Variants in ZNF652 observed in about 807,000 individuals in gnomAD.
ZNF652 encodes zinc finger protein 652.
A neutral mutation model predicts 45.2 loss-of-function variants in ZNF652; 16 were observed. That is an observed-to-expected ratio of 0.35 (90% CI 0.24 to 0.54). The LOEUF is 0.54. ZNF652 is among the 20% of genes least tolerant of loss of function. The probability of loss-of-function intolerance (pLI) is 0.91; values close to 1 mark genes in which losing one functional copy is unlikely to be tolerated. For missense variants in ZNF652, 614 were observed against 765.6 expected, an observed-to-expected ratio of 0.80 and a Z score of 2.34; for synonymous variants, 250 against 260.6, an observed-to-expected ratio of 0.96 and a Z score of 0.39.
At chr17:49,341,648 C>G (rs901271095) in intron 1 of ZNF652, among the ~76,000 whole-genome samples, 2 of 151,706 alleles carry the variant, frequency 1.3e-5, no homozygotes, top group Non-Finnish European at 2.9e-5. Flanking sequence ...TGGGCAACAG[C>G]AAGACTGTCT....
At chr17:49,360,985 G>A (rs1943988414) in intron 1 of ZNF652, among the ~76,000 whole-genome samples, 1 of 152,202 alleles carries the variant, frequency 6.6e-6, no homozygotes, top group Non-Finnish European at 1.5e-5. Context: ...GCAGACTCAC[G>A]CAGGAACACC....
intron 1 of ZNF652, among the ~76,000 whole-genome samples, chr17:49,338,288 T>C (rs1027306456): frequency 6.6e-6 from 1 of 152,090 alleles, no homozygotes; most frequent in African/African-American, 2.4e-5. Context: ...ACTCCACCAG[T>C]TTCTGAACTC....
At chr17:49,312,619 T>C in intron 3 of ZNF652, 79 bp downstream of exon 3, 1 of 1,495,910 alleles carries the variant, frequency 6.7e-7, no homozygotes, top group South Asian at 1.3e-5. Flanking sequence ...ATTCCTCATA[T>C]CCTGCCCAAT....
intron 1 of ZNF652, among the ~76,000 whole-genome samples, chr17:49,361,613 G>C (rs1469622608): frequency 6.6e-6 from 1 of 152,162 alleles, no homozygotes; most frequent in Non-Finnish European, 1.5e-5. Context: ...CCTCCCCTCA[G>C]GCCTCAGGGC....
At chr17:49,312,875 T>G in intron 2 of ZNF652, 30 bp from the exon 3 acceptor site, 1 of 1,605,622 alleles carries the variant, frequency 6.2e-7, no homozygotes, top group South Asian at 1.1e-5. Context: ...ATAATATTTA[T>G]AGGGGCTTAC....
chr17:49,327,757 ATATATATATATATATATATATATTTTTTT>A (rs2069975739), intron 1 of ZNF652, among the ~76,000 whole-genome samples: 2 of 14,518 alleles, frequency 1.4e-4, no homozygotes, highest in African/African-American at 6.5e-4. Flanking sequence ...ATATATATAT[ATATATATATATATATATATATATTTTTTT>A]TTTTTTTTTT....
At chr17:49,311,560 A>G in intron 4 of ZNF652, 104 bp from the exon 5 acceptor site, 1 of 1,262,536 alleles carries the variant, frequency 7.9e-7, no homozygotes, top group South Asian at 1.8e-5. Context: ...CATATTCAAA[A>G]TAGAACCTGC....
chr17:49,323,137 C>G (rs1185963963), intron 1 of ZNF652, among the ~76,000 whole-genome samples: 1 of 152,194 alleles, frequency 6.6e-6, no homozygotes, highest in African/African-American at 2.4e-5. Flanking sequence ...ACACTTTACC[C>G]ACAGTAGAAC....
In ZNF652 at chr17:49,296,547, AGAAAGAAAAATGAAGAAATT is replaced by A. The variant is rs2069480035; in HGVS notation, c.*1846_*1865del. The A allele has an allele frequency of 6.6e-6, 1 of 152,492 alleles. No homozygotes were observed. Among genetic ancestry groups the A allele is most frequent in the South Asian group, 2.1e-4 (1 of 4,832 alleles). The allele number at this position is 152,492 out of a possible 1,614,324, so 9.4% of individuals were successfully genotyped here. On this transcript the variant is annotated 3_prime_UTR_variant, in exon 6 of 6. Transcript: ENST00000430262. ...TCAGGCAAAGATTTTAAGAAACCGA[AGAAAGAAAAATGAAGAAATT>A]TCAAGATTAAAAAATGGACTGGGCA...
At chr17:49,324,984 G>A (rs957057191) in intron 1 of ZNF652, among the ~76,000 whole-genome samples, 9 of 151,624 alleles carry the variant, frequency 5.9e-5, no homozygotes, top group South Asian at 2.1e-4. Flanking sequence ...CAGGTGGTCC[G>A]CCCACCTTGG....
chr17:49,315,268 T>A (rs979937056), intron 2 of ZNF652, among the ~76,000 whole-genome samples: 1 of 148,650 alleles, frequency 6.7e-6, no homozygotes, highest in East Asian at 2.1e-4. Context: ...CTCGAACTCC[T>A]GACCTCACGT....
At chr17:49,309,006 CAA>C (rs2069670779) in intron 5 of ZNF652, among the ~76,000 whole-genome samples, 1 of 151,374 alleles carries the variant, frequency 6.6e-6, no homozygotes, top group South Asian at 2.1e-4. Context: ...GAAGAAGAAA[CAA>C]AGAAATACAA....
Position 49,296,191 on chromosome 17 carries a change from G to A in ZNF652, c.*2222C>T, listed in dbSNP as rs1269812876. ...CTTTCCTTATTGGCTTGGGTACCTG[G>A]GTGCTCAAAGAATGTGTACAAATAT... On this transcript the variant is annotated 3_prime_UTR_variant, in exon 6 of 6. Coordinates refer to ENST00000430262, the MANE Select transcript of ZNF652 (RefSeq NM_001145365.3). 1 of 151,864 alleles carries A rather than the reference G, an allele frequency of 6.6e-6. No individual in the cohort carries two copies. The highest frequency in any genetic ancestry group is 2.4e-5 in the African/African-American group (1 of 41,362). 9.4% of individuals were successfully genotyped at this position (151,864 alleles called of 1,614,324 possible). A position where few individuals can be genotyped will look rare whatever the true frequency, so the allele number is the denominator to read the frequency against.
rs555594503 is a variant in ZNF652 at position 49,352,630 on chromosome 17, A to T, written c.-259+9279T>A. On this transcript the variant is annotated intron_variant, in intron 1 of 5. Transcript: ENST00000430262. ...TATATGACCTAGCAATCCCCCTCCT[A>T]GGTATTTACCCACAAGAAATGAAAC... 2.0e-5 allele frequency among the ~76,000 whole-genome samples: 3 copies of T among 152,328 alleles called. No individual in the cohort carries two copies. The South Asian group carries it at 6.2e-4, about 32-fold the overall frequency.
At chr17:49,351,040 CACACACACACACACAT>C (rs1441965934) in intron 1 of ZNF652, among the ~76,000 whole-genome samples, 1 of 127,386 alleles carries the variant, frequency 7.9e-6, no homozygotes, top group African/African-American at 3.1e-5. Context: ...CACACACACA[CACACACACACACACAT>C]ATTTTTATAT....
At chr17:49,323,840 G>A (rs1001020826) in intron 1 of ZNF652, among the ~76,000 whole-genome samples, 2 of 152,090 alleles carry the variant, frequency 1.3e-5, no homozygotes, top group African/African-American at 4.8e-5. Flanking sequence ...AGTAAACCAC[G>A]CTATAAACAG....
rs749724039 is a variant in ZNF652, at chr17:49,311,876, T to C, written c.1164+51A>G. 45 of 1,465,090 alleles carry C rather than the reference T, an allele frequency of 3.1e-5. No homozygotes were observed. The Admixed American group carries it at 3.5e-4, about 11-fold the overall frequency. 90.8% of individuals were successfully genotyped at this position (1,465,090 alleles called of 1,614,324 possible). Reference sequence around the variant, plus strand: ...ACCTCTCTCTCACTGGTCCGCCATCTATGCAAACACTAGCCCCTAGGCCTG... The same window carrying C: ...ACCTCTCTCTCACTGGTCCGCCATCCATGCAAACACTAGCCCCTAGGCCTG... On this transcript the variant is annotated intron_variant, in intron 4 of 5. Coordinates refer to ENST00000430262, the MANE Select transcript of ZNF652 (RefSeq NM_001145365.3).
In ZNF652 at chr17:49,356,941, T is replaced by A. The variant is rs147916633; in HGVS notation, c.-259+4968A>T. The stretch of plus-strand genomic sequence containing the variant: ...GCTGTATGCATGGAATAAAACTGTA[T>A]ACATGGCCCTAATTGCATTTACTTT... On this transcript the variant is annotated intron_variant, in intron 1 of 5. Coordinates refer to ENST00000430262, the MANE Select transcript of ZNF652 (RefSeq NM_001145365.3). 4.3e-4 allele frequency among the ~76,000 whole-genome samples: 65 copies of A among 151,430 alleles called. No homozygotes were observed. In the East Asian group the frequency reaches 0.011, roughly 26 times the overall value.
intron 1 of ZNF652, among the ~76,000 whole-genome samples, chr17:49,333,922 T>A (rs2070053938): frequency 6.6e-6 from 1 of 151,994 alleles, no homozygotes; most frequent in Admixed American, 6.6e-5. Flanking sequence ...GCCTCATATG[T>A]TACTGGTAGG....
Sources: gnomAD v4.1 joint callset for allele counts (sites outside exome capture counted in the v4.1 genomes callset) on GRCh38, gnomAD v4.1.1 for gene constraint, MANE v1.5 for transcripts, NCBI Gene and HGNC (gene_info 2026-07-23, HGNC 2026-07-21) for gene names.